The following SIMC1 variants were observed in gnomAD, a reference collection of about 807,000 sequenced individuals.
SIMC1 encodes the protein SUMO-interacting motif-containing protein 1.
A neutral mutation model predicts 82.3 loss-of-function variants in SIMC1; 55 were observed. The observed-to-expected ratio is 0.67, with a 90% CI of 0.54 to 0.84. The LOEUF (loss-of-function observed/expected upper bound fraction) is 0.84, where lower values mean the gene tolerates loss of function less well. SIMC1 is among the 40% of genes least tolerant of loss of function. SIMC1 has a pLI of 0.00. For missense variants in SIMC1, 915 were observed against 1,107.2 expected (o/e 0.83, Z 2.46); for synonymous variants, 353 against 426.3 (o/e 0.83, Z 2.12).
At chr5:176,261,320 C>G (rs182381099) in intron 1 of SIMC1, among the ~76,000 whole-genome samples, 38 of 152,272 alleles carry the variant, frequency 2.5e-4, no homozygotes, top group African/African-American at 5.8e-4. Flanking sequence ...TTTCCTATTT[C>G]AAATGAAGTT....
rs1011730697 is a variant in SIMC1 at position 176,290,390 on chromosome 5, TGCC to T, written c.867_869del (p.Pro290del). 1.9e-6 allele frequency: 3 copies of T among 1,613,876 alleles called. No homozygotes were observed. The highest frequency in any genetic ancestry group is 2.7e-5 in the African/African-American group (2 of 74,924). On this transcript the variant is annotated inframe_deletion, in exon 2 of 10. Coordinates refer to ENST00000429602, the MANE Select transcript of SIMC1 (RefSeq NM_001308195.2). ...GACTCTCTGGGCCTACCTCAAGATG[TGCC>T]AGGGCTGCCTCAAAGCATATTACAT...
intron 1 of SIMC1, among the ~76,000 whole-genome samples, chr5:176,257,784 C>G (rs1463505819): frequency 6.6e-6 from 1 of 152,160 alleles, no homozygotes; most frequent in Admixed American, 6.5e-5. Flanking sequence ...TTGTCGAAGA[C>G]TGCATTAGAT....
At chr5:176,249,639 G>C (rs1761575255) in intron 1 of SIMC1, among the ~76,000 whole-genome samples, 1 of 151,856 alleles carries the variant, frequency 6.6e-6, no homozygotes, top group African/African-American at 2.4e-5. Context: ...AGGAGATCGA[G>C]ACCATCCTGG....
At chr5:176,262,651 A>G (rs1016072845) in intron 1 of SIMC1, among the ~76,000 whole-genome samples, 2 of 152,190 alleles carry the variant, frequency 1.3e-5, no homozygotes, top group African/African-American at 4.8e-5. Context: ...CTAAAAATAT[A>G]CAAATCAGCC....
At chr5:176,319,053 G>A (rs1228574372) in intron 5 of SIMC1, among the ~76,000 whole-genome samples, 4 of 152,204 alleles carry the variant, frequency 2.6e-5, no homozygotes, top group Admixed American at 2.6e-4. Context: ...AGGTTGCACT[G>A]AGCTGAGATC....
At chr5:176,253,012 G>T (rs184290210) in intron 1 of SIMC1, among the ~76,000 whole-genome samples, 1 of 152,150 alleles carries the variant, frequency 6.6e-6, no homozygotes, top group African/African-American at 2.4e-5. Context: ...TGGCGCGCGC[G>T]CCTGCAATCG....
chr5:176,273,498 G>C (rs1044167062), intron 1 of SIMC1, among the ~76,000 whole-genome samples: 35 of 152,002 alleles, frequency 2.3e-4, no homozygotes, highest in African/African-American at 8.5e-4. Context: ...GAGCAGAAAA[G>C]CTGAAAAAAA....
At chr5:176,296,422 G>C (rs1023016337) in intron 4 of SIMC1, 102 bp downstream of exon 4, 27 of 1,579,754 alleles carry the variant, frequency 1.7e-5, no homozygotes, top group Non-Finnish European at 2.1e-5. Flanking sequence ...CCAGCATTTT[G>C]GGAGGCCGAG....
At chr5:176,322,482 A>T (rs1765210891) in intron 6 of SIMC1, 57 bp downstream of exon 6, 24 of 1,521,154 alleles carry the variant, frequency 1.6e-5, no homozygotes, top group Non-Finnish European at 1.9e-5. Flanking sequence ...TTTTAGAGAG[A>T]ACAACACCAA....
At chr5:176,303,349 CAG>C (rs1349148267) in intron 4 of SIMC1, among the ~76,000 whole-genome samples, 1 of 113,932 alleles carries the variant, frequency 8.8e-6, no homozygotes. Context: ...TTTTTTGAGA[CAG>C]AGTTCAGCTC....
intron 4 of SIMC1, among the ~76,000 whole-genome samples, chr5:176,303,735 T>C (rs2113305343): frequency 6.6e-6 from 1 of 152,314 alleles, no homozygotes; most frequent in East Asian, 1.9e-4. Context: ...GATAGACATA[T>C]GGACTAGAGA....
chr5:176,255,107 T>C (rs1356754661), intron 1 of SIMC1, among the ~76,000 whole-genome samples: 1 of 151,434 alleles, frequency 6.6e-6, no homozygotes, highest in Non-Finnish European at 1.5e-5. Context: ...TGAAACACTG[T>C]CTTTACTAAA....
In SIMC1 at chr5:176,289,910, C is replaced by G; in HGVS notation, c.386C>G (p.Pro129Arg). ...PTARRIINSD[P>R]VDLDLVEENT... The stretch of plus-strand genomic sequence containing the variant: ...GCACGGAGAATCATTAACAGTGATC[C>G]TGTAGATTTGGACCTAGTGGAAGAA... The change falls in exon 2 of 10, where the codon CCT becomes CGT. Residue 129 changes from proline to arginine, a missense_variant. Pro to Arg is a moderately radical substitution (Grantham distance 103). Transcript: ENST00000429602. 6.2e-7 allele frequency: 1 copy of G among 1,613,906 alleles called. No individual in the cohort carries two copies. Among genetic ancestry groups the G allele is most frequent in the Non-Finnish European group, 8.5e-7 (1 of 1,179,850 alleles).
intron 1 of SIMC1, among the ~76,000 whole-genome samples, chr5:176,260,226 C>T (rs1761969788): frequency 6.6e-6 from 1 of 151,980 alleles, no homozygotes; most frequent in African/African-American, 2.4e-5. Context: ...GAATGGAAAA[C>T]CAAACATCGT....
At chr5:176,259,609 C>T (rs1159986778) in intron 1 of SIMC1, among the ~76,000 whole-genome samples, 13 of 152,116 alleles carry the variant, frequency 8.5e-5, no homozygotes, top group Non-Finnish European at 1.3e-4. Flanking sequence ...CCTGTCCCTA[C>T]TAAAAATACA....
At chr5:176,272,793 C>T (rs576610351) in intron 1 of SIMC1, among the ~76,000 whole-genome samples, 14 of 152,202 alleles carry the variant, frequency 9.2e-5, no homozygotes, top group East Asian at 1.9e-4. Flanking sequence ...TTATATCCTG[C>T]GCCTAGCTTG....
chr5:176,312,280 A>C (rs7723626), intron 4 of SIMC1, among the ~76,000 whole-genome samples: 88,966 of 151,936 alleles, frequency 0.59, 26,146 homozygotes, highest in Middle Eastern at 0.63. Context: ...TCACGCCTAT[A>C]ATCCCAACAC....
rs191411926 is a variant in SIMC1, at chr5:176,285,505, T to A, written c.130-4149T>A. ...ACGTATCTCAAAATAATAAGAGCTG[T>A]TTATGACAAACCCACAGCCAATATC... On this transcript the variant is annotated intron_variant, in intron 1 of 9. Transcript: ENST00000429602. Among the ~76,000 whole-genome samples, 873 of 152,292 alleles carry A rather than the reference T, an allele frequency of 5.7e-3. 7 individuals carry two copies. Among genetic ancestry groups the A allele is most frequent in the African/African-American group, 0.02 (828 of 41,552 alleles).
chr5:176,320,515 C>T (rs527766138), intron 5 of SIMC1, among the ~76,000 whole-genome samples: 105 of 152,088 alleles, frequency 6.9e-4, no homozygotes, highest in Middle Eastern at 3.4e-3. Flanking sequence ...ACTACTGGCA[C>T]GTGCCACCAC....
Sources: gnomAD v4.1 joint callset for allele counts (sites outside exome capture counted in the v4.1 genomes callset) on GRCh38, gnomAD v4.1.1 for gene constraint, MANE v1.5 for transcripts, NCBI Gene and HGNC (gene_info 2026-07-23, HGNC 2026-07-21) for gene names.